The following ARK2C variants were observed in gnomAD, a reference collection of about 807,000 sequenced individuals.
ARK2C encodes arkadia (RNF111) C-terminal like ring finger ubiquitin ligase 2C, also known as E3 ubiquitin-protein ligase ARK2C.
chr18:46,393,279 G>A, the ARK2C span, among the ~76,000 whole-genome samples: 2 of 152,204 alleles, frequency 1.3e-5, no homozygotes, highest in Non-Finnish European at 2.9e-5. Context: ...GGAAAACTTT[G>A]TGGGGTGACT....
chr18:46,335,971 A>T, the ARK2C span: 1 of 984,764 alleles, frequency 1.0e-6, no homozygotes, highest in East Asian at 1.1e-4. Flanking sequence ...CCTCTTAACC[A>T]TTTCCTGTCT....
At chr18:46,415,303 G>A in the ARK2C span, among the ~76,000 whole-genome samples, 15 of 152,300 alleles carry the variant, frequency 9.8e-5, no homozygotes, top group Middle Eastern at 3.4e-3. Context: ...GGCGGATCAC[G>A]AGGTCAGGAG....
chr18:46,402,697 TG>T, the ARK2C span, among the ~76,000 whole-genome samples: 1 of 152,186 alleles, frequency 6.6e-6, no homozygotes, highest in Non-Finnish European at 1.5e-5. Flanking sequence ...CACAAGGTTT[TG>T]CCATGTTGCC....
the ARK2C span, among the ~76,000 whole-genome samples, chr18:46,423,621 A>T: frequency 6.6e-6 from 1 of 152,176 alleles, no homozygotes; most frequent in South Asian, 2.1e-4. Flanking sequence ...CGTGACACTG[A>T]TGTGGCAGAG....
the ARK2C span, among the ~76,000 whole-genome samples, chr18:46,438,557 AT>A: frequency 5.3e-5 from 8 of 152,218 alleles, no homozygotes; most frequent in African/African-American, 1.9e-4. Context: ...TTCTGGGTAA[AT>A]GCTGAAAATC....
At chr18:46,371,635 G>C in the ARK2C span, among the ~76,000 whole-genome samples, 1 of 152,238 alleles carries the variant, frequency 6.6e-6, no homozygotes, top group Non-Finnish European at 1.5e-5. Flanking sequence ...GCAGCTGTTA[G>C]TATTGATGAT....
At chr18:46,447,420 G>T in the ARK2C span, 4 of 840,838 alleles carry the variant, frequency 4.8e-6, no homozygotes, top group Non-Finnish European at 7.8e-6. Context: ...GAAGAGAGAG[G>T]AAAGGCTGGG....
the ARK2C span, among the ~76,000 whole-genome samples, chr18:46,383,126 T>A: frequency 5.9e-5 from 9 of 152,066 alleles, no homozygotes; most frequent in African/African-American, 2.2e-4. Context: ...TAGGCCGGGG[T>A]AGGTGCTGGT....
the ARK2C span, among the ~76,000 whole-genome samples, chr18:46,393,977 A>T: frequency 1.3e-5 from 2 of 152,212 alleles, no homozygotes; most frequent in East Asian, 3.9e-4. Context: ...GGGAGGATGC[A>T]GTGGGGCTGG....
chr18:46,432,583 C>T, the ARK2C span, among the ~76,000 whole-genome samples: 1 of 152,126 alleles, frequency 6.6e-6, no homozygotes, highest in Admixed American at 6.5e-5. Context: ...GAGTCTAATT[C>T]AAAAGGCCAA....
chr18:46,344,097 G>A, the ARK2C span, among the ~76,000 whole-genome samples: 1 of 152,186 alleles, frequency 6.6e-6, no homozygotes, highest in Non-Finnish European at 1.5e-5. Context: ...AGTCACCCAC[G>A]TTGGCCTCCC....
the ARK2C span, among the ~76,000 whole-genome samples, chr18:46,396,953 C>T: frequency 6.6e-6 from 1 of 152,246 alleles, no homozygotes; most frequent in African/African-American, 2.4e-5. Context: ...GTTCCCCTTT[C>T]CTTTGCAAGC....
the ARK2C span, among the ~76,000 whole-genome samples, chr18:46,380,025 C>T: frequency 6.6e-6 from 1 of 152,234 alleles, no homozygotes. Context: ...CAAATCCCTC[C>T]CAACTATTAG....
At chr18:46,350,389 TG>T in the ARK2C span, among the ~76,000 whole-genome samples, 1 of 152,162 alleles carries the variant, frequency 6.6e-6, no homozygotes, top group Non-Finnish European at 1.5e-5. Flanking sequence ...CCATGTGGCC[TG>T]GGAGGGCTTC....
chr18:46,448,148 C>A, the ARK2C span, among the ~76,000 whole-genome samples: 2 of 150,072 alleles, frequency 1.3e-5, no homozygotes, highest in South Asian at 2.1e-4. Context: ...GTGTATCAAC[C>A]CCCATGCCCT....
At chr18:46,435,247 G>C in the ARK2C span, 1 of 1,578,674 alleles carries the variant, frequency 6.3e-7, no homozygotes, top group Non-Finnish European at 8.7e-7. Flanking sequence ...TAGTGGCCTG[G>C]GTAGCCCCTG....
chr18:46,385,298 G>A, the ARK2C span, among the ~76,000 whole-genome samples: 13,649 of 152,262 alleles, frequency 0.09, 741 homozygotes, highest in Non-Finnish European at 0.12. Context: ...GGAGATGAAA[G>A]TGGTGGCTTG....
At chr18:46,435,490 G>A in the ARK2C span, 1 of 988,888 alleles carries the variant, frequency 1.0e-6, no homozygotes. Context: ...CCTTCACTTT[G>A]AATGGCGCAG....
chr18:46,344,107 C>T, the ARK2C span, among the ~76,000 whole-genome samples: 1 of 152,208 alleles, frequency 6.6e-6, no homozygotes, highest in African/African-American at 2.4e-5. Flanking sequence ...GTTGGCCTCC[C>T]CTGACGACAC....
Sources: allele counts gnomAD v4.1 joint callset (sites outside exome capture counted in the v4.1 genomes callset), GRCh38; gene constraint gnomAD v4.1.1; transcripts MANE v1.5; gene names NCBI Gene and HGNC (gene_info 2026-07-23, HGNC 2026-07-21).